The following TEKT5 variants were observed in gnomAD, a reference collection of about 807,000 sequenced individuals.
The protein encoded by TEKT5 is tektin-5.
In TEKT5, 52 loss-of-function variants were observed where a neutral mutation model predicts 48.7. The ratio of observed to expected loss-of-function variants is 1.07; its 90% CI spans 0.86 to 1.35. The LOEUF is 1.35. TEKT5 is among the 40% of genes most tolerant of loss of function. The pLI is 0.00. For synonymous variants in TEKT5, 318 were observed against 267.6 expected (o/e 1.19, Z -1.84); for missense variants, 831 against 641.6 (o/e 1.30, Z -3.19).
At chr16:10,638,378 G>A (rs1012847269) in intron 5 of TEKT5, among the ~76,000 whole-genome samples, 3 of 152,116 alleles carry the variant, frequency 2.0e-5, no homozygotes, top group Non-Finnish European at 2.9e-5. Context: ...TGCTGGTCAC[G>A]GTGTCCCTCT....
chr16:10,659,959 C>T (rs559058432), intron 5 of TEKT5, among the ~76,000 whole-genome samples: 3 of 152,284 alleles, frequency 2.0e-5, no homozygotes, highest in South Asian at 2.1e-4. Context: ...ATGCGAATTT[C>T]ACCTTAATAA....
intron 5 of TEKT5, among the ~76,000 whole-genome samples, chr16:10,636,201 C>T (rs1051660872): frequency 1.3e-5 from 2 of 152,034 alleles, no homozygotes; most frequent in African/African-American, 4.8e-5. Context: ...GTGGTGAAAC[C>T]CCGTCTCTAC....
intron 5 of TEKT5, among the ~76,000 whole-genome samples, chr16:10,641,119 C>A (rs868016370): frequency 8.5e-5 from 13 of 152,312 alleles, no homozygotes; most frequent in South Asian, 6.2e-4. Flanking sequence ...TTGCTCCCCA[C>A]CTTCGTCAAC....
At chr16:10,650,640 T>C (rs1898140661) in intron 5 of TEKT5, among the ~76,000 whole-genome samples, 2 of 151,700 alleles carry the variant, frequency 1.3e-5, no homozygotes, top group African/African-American at 2.4e-5. Flanking sequence ...TCCCAGCACT[T>C]TGGGATGCCA....
At chr16:10,691,607 G>A (rs1898977970) in intron 1 of TEKT5, among the ~76,000 whole-genome samples, 1 of 152,150 alleles carries the variant, frequency 6.6e-6, no homozygotes, top group African/African-American at 2.4e-5. Context: ...AGCAATAGCG[G>A]GGACAGGGGT....
At chr16:10,651,091 C>A (rs1297108483) in intron 5 of TEKT5, among the ~76,000 whole-genome samples, 1 of 152,120 alleles carries the variant, frequency 6.6e-6, no homozygotes, top group African/African-American at 2.4e-5. Context: ...GCCCAGGGGA[C>A]CGTCATCCTG....
chr16:10,653,441 T>G (rs146238188), intron 5 of TEKT5, among the ~76,000 whole-genome samples: 1 of 152,368 alleles, frequency 6.6e-6, no homozygotes, highest in East Asian at 1.9e-4. Context: ...TTCACCTTCC[T>G]GAGCCTCTCT....
intron 5 of TEKT5, among the ~76,000 whole-genome samples, chr16:10,666,480 T>C (rs1198700892): frequency 6.6e-6 from 1 of 152,210 alleles, no homozygotes; most frequent in Non-Finnish European, 1.5e-5. Context: ...GCCCAGTAGA[T>C]GCCAGCAGCA....
At chr16:10,669,936 T>G (rs1596412780) in intron 5 of TEKT5, among the ~76,000 whole-genome samples, 1 of 152,164 alleles carries the variant, frequency 6.6e-6, no homozygotes, top group Admixed American at 6.5e-5. Context: ...GACACAGTGA[T>G]ACCTGGAGCC....
At chr16:10,646,587 A>C (rs192222612) in intron 5 of TEKT5, among the ~76,000 whole-genome samples, 1 of 152,350 alleles carries the variant, frequency 6.6e-6, no homozygotes, top group African/African-American at 2.4e-5. Context: ...AAATTGCTTA[A>C]AACAGAATTT....
intron 3 of TEKT5, among the ~76,000 whole-genome samples, chr16:10,684,831 G>C (rs985885780): frequency 2.6e-5 from 4 of 152,124 alleles, no homozygotes; most frequent in Admixed American, 6.5e-5. Context: ...ACCAAACGTG[G>C]CTCCTTCTCT....
At chr16:10,641,365 C>A (rs1015661862) in intron 5 of TEKT5, among the ~76,000 whole-genome samples, 2 of 152,092 alleles carry the variant, frequency 1.3e-5, no homozygotes, top group African/African-American at 4.8e-5. Flanking sequence ...CCCATGGTCC[C>A]CAAGCACCAG....
In TEKT5 at chr16:10,678,181, C is replaced by T. The variant is rs939731123; in HGVS notation, c.864-2000G>A. Among the ~76,000 whole-genome samples, 4 of 152,200 alleles carry T rather than the reference C, an allele frequency of 2.6e-5. No homozygotes were observed. In the East Asian group the frequency reaches 7.7e-4, roughly 29 times the overall value. ...TGGCGGGATCTCGGCTCACTGCAAC[C>T]TCTGTCTCCCACGTTCAAGCAATTC... On this transcript the variant is annotated intron_variant, in intron 4 of 6. Coordinates refer to ENST00000283025, the MANE Select transcript of TEKT5 (RefSeq NM_144674.2).
intron 1 of TEKT5, 175 bp from the exon 2 acceptor site, chr16:10,690,200 T>C (rs999601544): frequency 2.4e-5 from 15 of 634,258 alleles, no homozygotes; most frequent in Admixed American, 2.0e-4. Flanking sequence ...TCTCCCCGGA[T>C]GAGAGCTGTG....
chr16:10,665,589 C>T (rs1408187277), intron 5 of TEKT5, among the ~76,000 whole-genome samples: 2 of 152,196 alleles, frequency 1.3e-5, no homozygotes, highest in African/African-American at 4.8e-5. Flanking sequence ...AGCAGCTCCT[C>T]TCCCATTTGG....
chr16:10,675,520 G>A (rs2142300918), intron 5 of TEKT5, among the ~76,000 whole-genome samples: 1 of 152,252 alleles, frequency 6.6e-6, no homozygotes, highest in Admixed American at 6.5e-5. Context: ...CCCTCAGCAG[G>A]GAACCTTTAG....
intron 5 of TEKT5, among the ~76,000 whole-genome samples, chr16:10,656,399 G>C (rs549168196): frequency 9.2e-5 from 14 of 152,026 alleles, no homozygotes; most frequent in African/African-American, 3.4e-4. Context: ...CTACAGGCGT[G>C]TGCCACCACA....
intron 5 of TEKT5, among the ~76,000 whole-genome samples, chr16:10,655,549 C>T (rs1898247412): frequency 1.3e-5 from 2 of 152,208 alleles, no homozygotes; most frequent in South Asian, 4.1e-4. Flanking sequence ...TATTAATACC[C>T]ACTTCCTCTT....
intron 4 of TEKT5, among the ~76,000 whole-genome samples, chr16:10,678,744 A>G (rs1223060435): frequency 3.3e-5 from 5 of 152,226 alleles, no homozygotes; most frequent in African/African-American, 1.2e-4. Flanking sequence ...TGTCAGTGTC[A>G]TAAACAGCAA....
Sources: allele counts gnomAD v4.1 joint callset (sites outside exome capture counted in the v4.1 genomes callset), GRCh38; gene constraint gnomAD v4.1.1; transcripts MANE v1.5; gene names NCBI Gene and HGNC (gene_info 2026-07-23, HGNC 2026-07-21).